Variants in DNAH3 observed in about 807,000 individuals in gnomAD.
DNAH3 encodes the protein axonemal beta dynein heavy chain 3.
DNAH3 carries 332 observed loss-of-function variants against 432.5 expected under a neutral mutation model. The observed-to-expected ratio is 0.77, with a 90% CI of 0.70 to 0.84. The LOEUF (loss-of-function observed/expected upper bound fraction) is 0.84, where lower values mean the gene tolerates loss of function less well. Ranked by LOEUF, DNAH3 falls within the 40% of genes least tolerant of loss-of-function variation. The pLI, the probability that DNAH3 is intolerant of heterozygous loss-of-function variation, is 0.00. For missense variants in DNAH3, 4,861 were observed against 5,114.0 expected (o/e 0.95, Z 1.51); for synonymous variants, 1,956 against 1,900.2 (o/e 1.03, Z -0.76).
At position 21,082,210 on chromosome 16, in the gene DNAH3, A is replaced by G. The variant is rs181011746; in HGVS notation, c.2878-483T>C. ...CCGCCACACCCAGCTAATTTTAATT[A>G]GACAGGGTCCTGCTTTGTTGCCCAG... On this transcript the variant is annotated intron_variant, in intron 19 of 61. Transcript: ENST00000261383. 3.0e-4 allele frequency among the ~76,000 whole-genome samples: 46 copies of G among 152,156 alleles called. 1 individual carries two copies. In the East Asian group the frequency reaches 8.1e-3, roughly 27 times the overall value.
At chr16:20,983,555 T>C (rs1166460385) in intron 48 of DNAH3, among the ~76,000 whole-genome samples, 1 of 152,084 alleles carries the variant, frequency 6.6e-6, no homozygotes, top group Non-Finnish European at 1.5e-5. Context: ...AGCCATACAC[T>C]GTTATTTATA....
At chr16:21,156,291 G>A (rs971109911) in intron 1 of DNAH3, among the ~76,000 whole-genome samples, 2 of 150,818 alleles carry the variant, frequency 1.3e-5, no homozygotes, top group Non-Finnish European at 2.9e-5. Context: ...GAGTGCAGTG[G>A]TGCAATCTCA....
rs2092475832 is a variant in DNAH3 at position 21,127,927 on chromosome 16, A to G, written c.1083-115T>C. The stretch of plus-strand genomic sequence containing the variant: ...TCTCAATGAAAGTTAAGCAGAATCA[A>G]ATGAATTACAGGATATGGGAAAGAT... On this transcript the variant is annotated intron_variant, in intron 7 of 61. Transcript: ENST00000261383. 5 of 1,260,136 alleles carry G rather than the reference A, an allele frequency of 4.0e-6. No individual in the cohort carries two copies. In the Admixed American group the frequency reaches 9.3e-5, roughly 23 times the overall value. The allele number at this position is 1,260,136 out of a possible 1,614,324, so 78.1% of individuals were successfully genotyped here.
rs2088837799 is a variant in DNAH3 at position 21,030,943 on chromosome 16, C to T, written c.5439+102G>A. ...ATTCTTAATGTATACAGAATACATA[C>T]ATAATAAATGTATGTCTCTATATAG... On this transcript the variant is annotated intron_variant, in intron 37 of 61. Transcript: ENST00000261383. 6 of 1,196,942 alleles carry T rather than the reference C, an allele frequency of 5.0e-6. No homozygotes were observed. In the African/African-American group the frequency reaches 6.1e-5, roughly 12 times the overall value. The allele number at this position is 1,196,942 out of a possible 1,614,324, so 74.1% of individuals were successfully genotyped here.
At chr16:21,028,895 A>T (rs181307742) in intron 37 of DNAH3, among the ~76,000 whole-genome samples, 1 of 152,288 alleles carries the variant, frequency 6.6e-6, no homozygotes, top group Non-Finnish European at 1.5e-5. Context: ...CTAATTTGTG[A>T]TTAAAAACTT....
At chr16:20,998,778 T>C (rs987667939) in intron 43 of DNAH3, among the ~76,000 whole-genome samples, 2 of 150,428 alleles carry the variant, frequency 1.3e-5, no homozygotes, top group Admixed American at 1.3e-4. Context: ...GGGGCTCCTT[T>C]AGTTTTTCTT....
intron 20 of DNAH3, 110 bp from the exon 21 acceptor site, chr16:21,075,671 G>C (rs1186900686): frequency 8.5e-6 from 7 of 822,012 alleles, no homozygotes; most frequent in African/African-American, 5.0e-5. Context: ...CCAGCACTTT[G>C]GGAGGCCGAG....
chr16:21,134,395 G>C (rs144528978), exon 7 of DNAH3: 1 of 1,614,178 alleles, frequency 6.2e-7, no homozygotes, highest in Admixed American at 1.7e-5. Flanking sequence ...GGAAACAAGC[G>C]GGGGATGCTC....
chr16:20,935,985 G>A (rs1319330659), intron 60 of DNAH3, among the ~76,000 whole-genome samples: 3 of 152,124 alleles, frequency 2.0e-5, no homozygotes, highest in Non-Finnish European at 2.9e-5. Context: ...CATGCCATGC[G>A]AGAACGCAGG....
At chr16:21,042,572 T>A (rs988237113) in intron 31 of DNAH3, among the ~76,000 whole-genome samples, 1 of 152,200 alleles carries the variant, frequency 6.6e-6, no homozygotes, top group African/African-American at 2.4e-5. Flanking sequence ...TGATGCATCT[T>A]TTGTACTTCT....
intron 51 of DNAH3, among the ~76,000 whole-genome samples, chr16:20,971,283 T>G (rs2085331282): frequency 6.6e-6 from 1 of 152,094 alleles, no homozygotes; most frequent in East Asian, 1.9e-4. Flanking sequence ...AAAGGCAAAT[T>G]AGGATCAAAC....
intron 52 of DNAH3, among the ~76,000 whole-genome samples, chr16:20,967,503 T>G: frequency 7.0e-6 from 1 of 142,352 alleles, no homozygotes; most frequent in Admixed American, 7.1e-5. Flanking sequence ...TTTTTTTTTT[T>G]TTTTTTTTTT....
chr16:21,083,163 A>G (rs1488890378), intron 19 of DNAH3, among the ~76,000 whole-genome samples: 1 of 151,728 alleles, frequency 6.6e-6, no homozygotes, highest in South Asian at 2.1e-4. Flanking sequence ...TTACAGGCGC[A>G]TGGCACCACG....
chr16:21,060,526 CTTTTT>C (rs375746116), intron 25 of DNAH3, among the ~76,000 whole-genome samples, 170 bp from the exon 26 acceptor site: 2 of 93,420 alleles, frequency 2.1e-5, no homozygotes, highest in Admixed American at 1.4e-4. Flanking sequence ...TTTTTTTTTT[CTTTTT>C]TTTTTTTTTT....
chr16:20,953,838 C>T (rs1020396061), intron 55 of DNAH3, among the ~76,000 whole-genome samples: 7 of 150,714 alleles, frequency 4.6e-5, no homozygotes, highest in African/African-American at 7.3e-5. Flanking sequence ...TCCACCTTCT[C>T]GCCTCAAGCG....
At chr16:20,949,377 AG>A (rs2084210376) in intron 56 of DNAH3, among the ~76,000 whole-genome samples, 1 of 151,910 alleles carries the variant, frequency 6.6e-6, no homozygotes, top group African/African-American at 2.4e-5. Flanking sequence ...ACAAAAAAAA[AG>A]ACATTTAAAG....
Position 21,122,062 on chromosome 16 carries a change from C to T in DNAH3, c.1467G>A (p.Met489Ile), listed in dbSNP as rs369790682. 2.6e-5 allele frequency: 42 copies of T among 1,613,672 alleles called. No homozygotes were observed. In the Admixed American group the frequency reaches 6.8e-4, roughly 26 times the overall value. ...TGGGTTCACTGACTTCAAGTTTGAT[C>T]ATGATTAGCTGAGGTATGAAAAACT... The change falls in exon 10 of 62, where the codon ATG becomes ATA. Residue 489 changes from methionine (M) to isoleucine (I), a missense_variant. By Grantham distance (10) the Met-to-Ile change is conservative (BLOSUM62 1). Coordinates refer to ENST00000261383, the Ensembl canonical transcript of DNAH3.
chr16:21,008,343 T>C (rs149038099), intron 41 of DNAH3, among the ~76,000 whole-genome samples: 1 of 152,276 alleles, frequency 6.6e-6, no homozygotes, highest in African/African-American at 2.4e-5. Context: ...ATTTAAGGAA[T>C]GGTGTGTGGC....
chr16:21,151,908 C>G (rs982396984), intron 1 of DNAH3, among the ~76,000 whole-genome samples: 5 of 151,872 alleles, frequency 3.3e-5, no homozygotes, highest in Non-Finnish European at 5.9e-5. Flanking sequence ...CCAAACACCA[C>G]GATATTCCCA....
Sources: gnomAD v4.1 joint callset for allele counts (sites outside exome capture counted in the v4.1 genomes callset) on GRCh38, gnomAD v4.1.1 for gene constraint, MANE v1.5 for transcripts, NCBI Gene and HGNC (gene_info 2026-07-23, HGNC 2026-07-21) for gene names.